KYAT1: variants seen among roughly 807,000 people sequenced by gnomAD.
KYAT1 encodes kynurenine--oxoglutarate transaminase 1.
In KYAT1, 47 loss-of-function variants were observed where a neutral mutation model predicts 52.4. The ratio of observed to expected loss-of-function variants is 0.90; its 90% confidence interval spans 0.71 to 1.14. The LOEUF (loss-of-function observed/expected upper bound fraction) is 1.14. KYAT1 is among the 50% of genes most tolerant of loss of function. The pLI is 0.00. For synonymous variants in KYAT1, 212 were observed against 209.6 expected (o/e 1.01, Z -0.10); for missense variants, 480 against 557.9 (o/e 0.86, Z 1.41).
rs140389580 is a variant in KYAT1 at position 128,874,905 on chromosome 9, A to G, written c.-7+6992T>C. On this transcript the variant is annotated intron_variant, in intron 1 of 12. Coordinates refer to ENST00000302586, the MANE Select transcript of KYAT1 (RefSeq NM_004059.5). ...ATGCCCGACTTATTTTTGTATTTTTAGTAGGGATGGGGTTTCACCATGTTG... is the reference window on the plus strand; with the variant it reads ...ATGCCCGACTTATTTTTGTATTTTTGGTAGGGATGGGGTTTCACCATGTTG... Among the ~76,000 whole-genome samples the G allele has an allele frequency of 1.3e-3, 204 of 151,520 alleles. 1 individual carries two copies. In the Middle Eastern group the frequency reaches 0.014, roughly 10 times the overall value.
intron 3 of KYAT1, among the ~76,000 whole-genome samples, chr9:128,839,610 G>A (rs933094218): frequency 1.3e-5 from 2 of 152,102 alleles, no homozygotes; most frequent in Admixed American, 6.6e-5. Flanking sequence ...GGGCGACAGA[G>A]CGAGACTCCG....
chr9:128,846,826 G>A, intron 1 of KYAT1: 2 of 1,535,590 alleles, frequency 1.3e-6, no homozygotes, highest in South Asian at 1.2e-5. Context: ...GTGGGCCGTG[G>A]AGCTGGGGAT....
At chr9:128,873,218 T>C (rs1044874997) in intron 1 of KYAT1, among the ~76,000 whole-genome samples, 3 of 151,906 alleles carry the variant, frequency 2.0e-5, no homozygotes, top group African/African-American at 7.2e-5. Flanking sequence ...CTGTTAAAAA[T>C]GTAGCCCAGG....
intron 1 of KYAT1, among the ~76,000 whole-genome samples, chr9:128,866,085 T>C (rs1052244797): frequency 5.3e-5 from 8 of 152,202 alleles, no homozygotes; most frequent in African/African-American, 1.9e-4. Flanking sequence ...ATTCCTATTA[T>C]GTGCTATTCA....
intron 1 of KYAT1, among the ~76,000 whole-genome samples, chr9:128,878,345 G>A (rs186692682): frequency 6.6e-5 from 10 of 152,102 alleles, no homozygotes; most frequent in Non-Finnish European, 1.3e-4. Flanking sequence ...ACGTTGCCCA[G>A]GTTGGTCTCG....
intron 11 of KYAT1, among the ~76,000 whole-genome samples, chr9:128,834,177 G>C (rs550732864): frequency 6.6e-6 from 1 of 152,338 alleles, no homozygotes; most frequent in Admixed American, 6.5e-5. Flanking sequence ...AGAATTGCTT[G>C]AACCCGGGGG....
intron 1 of KYAT1, among the ~76,000 whole-genome samples, chr9:128,871,177 C>T (rs1837176658): frequency 1.3e-5 from 2 of 151,570 alleles, no homozygotes; most frequent in Admixed American, 1.3e-4. Flanking sequence ...AATTAGCTGG[C>T]CACGGTGGTA....
rs1831496595 is a variant in KYAT1 at position 128,838,249 on chromosome 9, G to T, written c.320C>A (p.Ala107Asp). The part of the protein sequence containing the change: ...TVGGYGALFT[A>D]FQALVDEGDE... ...TCCTTCGTCCACCAGGGCCTGGAAGGCTGTGAACAGGGCCCCATAGCCACC... is the reference window on the plus strand; with the variant it reads ...TCCTTCGTCCACCAGGGCCTGGAAGTCTGTGAACAGGGCCCCATAGCCACC... The change falls in exon 4 of 13, where the codon GCC becomes GAC. Residue 107 changes from alanine to aspartate, a missense_variant. Ala to Asp is a moderately radical substitution (Grantham distance 126). Transcript: ENST00000302586. 3.1e-6 allele frequency: 5 copies of T among 1,614,204 alleles called. No individual in the cohort carries two copies. Among genetic ancestry groups the T allele is most frequent in the Non-Finnish European group, 4.2e-6 (5 of 1,180,038 alleles).
At chr9:128,846,142 C>A (rs1167291024) in intron 1 of KYAT1, among the ~76,000 whole-genome samples, 2 of 152,170 alleles carry the variant, frequency 1.3e-5, no homozygotes, top group Admixed American at 1.3e-4. Flanking sequence ...CAGAAACTGG[C>A]CAGGGGCTGG....
intron 2 of KYAT1, among the ~76,000 whole-genome samples, chr9:128,843,368 T>C (rs1405125915): frequency 1.3e-5 from 2 of 149,220 alleles, no homozygotes; most frequent in African/African-American, 5.0e-5. Context: ...CCATGACCCA[T>C]AGGAAGAAAT....
intron 1 of KYAT1, chr9:128,846,599 CCAA>C (rs1473345720): frequency 1.9e-5 from 15 of 805,834 alleles, no homozygotes; most frequent in Non-Finnish European, 2.4e-5. Context: ...CAAGACTCTA[CCAA>C]AAAAAAAAAA....
At chr9:128,838,749 G>A (rs1466649862) in intron 3 of KYAT1, among the ~76,000 whole-genome samples, 1 of 152,118 alleles carries the variant, frequency 6.6e-6, no homozygotes, top group African/African-American at 2.4e-5. Flanking sequence ...TTTGCCACAG[G>A]GCCTGTTCTG....
rs376312507 is a variant in KYAT1 at position 128,835,554 on chromosome 9, G to T, written c.969C>A (p.Ser323Arg). The change falls in exon 10 of 13, where the codon AGC becomes AGA. Residue 323 changes from serine to arginine, a missense_variant. By Grantham distance (110) the Ser-to-Arg change is moderately radical. Coordinates refer to ENST00000302586, the MANE Select transcript of KYAT1 (RefSeq NM_004059.5). Reference protein sequence around the residue: ...MQRCRDHMIRSLQSVGLKPII... With the variant: ...MQRCRDHMIRRLQSVGLKPII... ...TGGGCTTCAGGCCCACTGACTGTAG[G>T]CTACGTATCATGTGGTCACGGCAGC... The T allele has an allele frequency of 6.2e-7, 1 of 1,613,654 alleles. No homozygotes were observed. Among genetic ancestry groups the T allele is most frequent in the Non-Finnish European group, 8.5e-7 (1 of 1,180,030 alleles).
Position 128,835,748 on chromosome 9 carries a change from C to T in KYAT1, c.855+31G>A, listed in dbSNP as rs368898642. ...AGCCTGGGCTCTTTTGTTGTCCCCC[C>T]ACTCCCCCGTGACGTCCTGCCCCTC... On this transcript the variant is annotated intron_variant, in intron 9 of 12. Coordinates refer to ENST00000302586, the MANE Select transcript of KYAT1 (RefSeq NM_004059.5). The T allele has an allele frequency of 1.9e-3, 3,011 of 1,605,572 alleles. 4 individuals are homozygous for T. The highest frequency in any genetic ancestry group is 2.3e-3 in the Non-Finnish European group (2,720 of 1,176,152).
intron 3 of KYAT1, chr9:128,842,161 C>A (rs1004932513): frequency 3.7e-5 from 11 of 300,706 alleles, no homozygotes; most frequent in African/African-American, 2.2e-4. Context: ...CCATTGCACT[C>A]CAGCCTGGAT....
At chr9:128,868,600 G>T (rs537021387) in intron 1 of KYAT1, among the ~76,000 whole-genome samples, 2 of 151,818 alleles carry the variant, frequency 1.3e-5, no homozygotes, top group Admixed American at 1.3e-4. Flanking sequence ...GCAGTGGTGC[G>T]ATCACGGCTC....
intron 1 of KYAT1, among the ~76,000 whole-genome samples, chr9:128,868,733 G>T (rs1836784756): frequency 7.0e-6 from 1 of 142,412 alleles, no homozygotes; most frequent in African/African-American, 2.6e-5. Flanking sequence ...TTGAGATGGA[G>T]TCTTGCTCTG....
intron 1 of KYAT1, among the ~76,000 whole-genome samples, chr9:128,865,691 A>C (rs1194495307): frequency 6.6e-6 from 1 of 151,554 alleles, no homozygotes; most frequent in Non-Finnish European, 1.5e-5. Flanking sequence ...CAGGACTCTG[A>C]CTCCTACTTT....
intron 1 of KYAT1, among the ~76,000 whole-genome samples, chr9:128,863,981 C>T (rs1393373659): frequency 6.6e-6 from 1 of 152,026 alleles, no homozygotes; most frequent in Non-Finnish European, 1.5e-5. Flanking sequence ...CTAGTCAGCT[C>T]CTCAACAGCC....
Sources: gnomAD v4.1 joint callset for allele counts (sites outside exome capture counted in the v4.1 genomes callset) on GRCh38, gnomAD v4.1.1 for gene constraint, MANE v1.5 for transcripts, NCBI Gene and HGNC (gene_info 2026-07-23, HGNC 2026-07-21) for gene names.